NFIB: variants seen among roughly 807,000 people sequenced by gnomAD.
NFIB encodes the protein nuclear factor I B.
In NFIB, 11 loss-of-function variants were observed where a neutral mutation model predicts 61.5. The ratio of observed to expected loss-of-function variants is 0.18; its 90% CI spans 0.11 to 0.30. The LOEUF is 0.30. Among genes scored for constraint, NFIB ranks in the 10% least tolerant of loss-of-function variants. The pLI, the probability that NFIB is intolerant of heterozygous loss-of-function variation, is 1.00. For missense variants in NFIB, 471 were observed against 608.9 expected (o/e 0.77, Z 2.38); for synonymous variants, 260 against 216.5 (o/e 1.20, Z -1.76).
At chr9:14,306,921 G>A in intron 2 of NFIB, 68 bp downstream of exon 2, 2 of 1,571,978 alleles carry the variant, frequency 1.3e-6, no homozygotes, top group Non-Finnish European at 1.7e-6. Flanking sequence ...ACTCAAGCCA[G>A]ATACTCTGTC....
intron 1 of NFIB, among the ~76,000 whole-genome samples, chr9:14,333,568 AC>A (rs2060847411): frequency 6.6e-6 from 1 of 152,152 alleles, no homozygotes; most frequent in African/African-American, 2.4e-5. Flanking sequence ...CCTGGTCAAA[AC>A]TTAGTCACTG....
At chr9:14,148,726 G>T (rs2042554933) in intron 5 of NFIB, among the ~76,000 whole-genome samples, 1 of 152,126 alleles carries the variant, frequency 6.6e-6, no homozygotes, top group Non-Finnish European at 1.5e-5. Context: ...CTTGAATCAT[G>T]TATATGCCTG....
At chr9:14,504,456 A>G in the NFIB span, among the ~76,000 whole-genome samples, 128 of 152,322 alleles carry the variant, frequency 8.4e-4, no homozygotes, top group South Asian at 0.013. Flanking sequence ...CTACCCATTC[A>G]TGAGCATGGG....
intron 2 of NFIB, among the ~76,000 whole-genome samples, chr9:14,258,163 G>C (rs2056408061): frequency 6.6e-6 from 1 of 152,142 alleles, no homozygotes; most frequent in South Asian, 2.1e-4. Flanking sequence ...TCATCACTGA[G>C]AACATTCATT....
At chr9:14,093,685 C>A (rs765215486) in intron 10 of NFIB, among the ~76,000 whole-genome samples, 1 of 151,994 alleles carries the variant, frequency 6.6e-6, no homozygotes, top group Admixed American at 6.6e-5. Flanking sequence ...ATTAGCATTT[C>A]TTGTAAAATG....
intron 2 of NFIB, among the ~76,000 whole-genome samples, chr9:14,238,389 G>A (rs1587845315): frequency 6.6e-6 from 1 of 152,132 alleles, no homozygotes; most frequent in South Asian, 2.1e-4. Flanking sequence ...GTCTTGTGAA[G>A]AGTTTAATAC....
the NFIB span, among the ~76,000 whole-genome samples, chr9:14,438,494 TC>T: frequency 6.6e-6 from 1 of 152,300 alleles, no homozygotes; most frequent in South Asian, 2.1e-4. Context: ...GGAGTGATTT[TC>T]CCCCTTGCTT....
intron 1 of NFIB, among the ~76,000 whole-genome samples, chr9:14,328,542 T>C (rs1196764605): frequency 6.6e-6 from 1 of 151,902 alleles, no homozygotes; most frequent in Non-Finnish European, 1.5e-5. Flanking sequence ...AAATGAACAA[T>C]TAACAAGATA....
chr9:14,526,434 A>T, the NFIB span, among the ~76,000 whole-genome samples: 1 of 152,192 alleles, frequency 6.6e-6, no homozygotes, highest in Non-Finnish European at 1.5e-5. Flanking sequence ...ATGCAATAAA[A>T]TTTAGAATTC....
At chr9:14,176,905 C>G (rs1245390831) in intron 3 of NFIB, among the ~76,000 whole-genome samples, 1 of 152,068 alleles carries the variant, frequency 6.6e-6, no homozygotes, top group African/African-American at 2.4e-5. Flanking sequence ...TTTCAAAGAG[C>G]CTATATCTCC....
In NFIB at chr9:14,144,755, G is replaced by C. The variant is rs553020814; in HGVS notation, c.925+1934C>G. ...GAGAAAACTAGGAAGACAGAATTTA[G>C]ACTGAAATTTCTCAGTTTAAGCTGG... On this transcript the variant is annotated intron_variant, in intron 6 of 10. Coordinates refer to ENST00000380953, the MANE Select transcript of NFIB (RefSeq NM_001190737.2). 9.8e-5 allele frequency among the ~76,000 whole-genome samples: 15 copies of C among 152,292 alleles called. No homozygotes were observed. In the Middle Eastern group the frequency reaches 0.01, roughly 104 times the overall value.
At chr9:14,155,959 T>C in intron 3 of NFIB, 66 bp from the exon 4 acceptor site, 1 of 993,814 alleles carries the variant, frequency 1.0e-6, no homozygotes, top group Non-Finnish European at 1.5e-6. Context: ...GATTATACAC[T>C]AGAATTTAAG....
At chr9:14,154,583 A>G (rs983071381) in intron 4 of NFIB, among the ~76,000 whole-genome samples, 2 of 152,266 alleles carry the variant, frequency 1.3e-5, no homozygotes, top group Non-Finnish European at 2.9e-5. Context: ...CATCGAATAC[A>G]CACCCTGGGG....
the NFIB span, among the ~76,000 whole-genome samples, chr9:14,521,343 A>G: frequency 3.3e-5 from 5 of 152,202 alleles, no homozygotes; most frequent in African/African-American, 1.2e-4. Flanking sequence ...ACGGCTTGTA[A>G]TGTTCTGTTC....
the NFIB span, among the ~76,000 whole-genome samples, chr9:14,452,392 G>T: frequency 8.4e-6 from 1 of 119,244 alleles, no homozygotes; most frequent in Admixed American, 9.9e-5. Context: ...GATGGAAGTA[G>T]GGAAAGACAG....
chr9:14,439,986 G>GT, the NFIB span, among the ~76,000 whole-genome samples: 1 of 152,196 alleles, frequency 6.6e-6, no homozygotes, highest in Non-Finnish European at 1.5e-5. Context: ...AGGAGAGGGG[G>GT]TGGCTGAGCC....
intron 2 of NFIB, among the ~76,000 whole-genome samples, chr9:14,227,498 T>C (rs188858778): frequency 7.7e-4 from 117 of 152,344 alleles, no homozygotes; most frequent in African/African-American, 2.7e-3. Flanking sequence ...TATCATACTA[T>C]GGAGAAAGGC....
Position 14,087,536 on chromosome 9 carries a change from G to A in NFIB, c.*773C>T. The A allele has an allele frequency of 4.4e-6, 1 of 226,722 alleles. No individual in the cohort carries two copies. The highest frequency in any genetic ancestry group is 8.8e-6 in the Non-Finnish European group (1 of 113,836). 14.0% of individuals were successfully genotyped at this position (226,722 alleles called of 1,614,324 possible). A position where few individuals can be genotyped will look rare whatever the true frequency, so the allele number is the denominator to read the frequency against. ...CCTACATAGAGGCATTTCTTCCATA[G>A]AGCCTTTGTGTTCAAACTGTTTTTT... On this transcript the variant is annotated 3_prime_UTR_variant, in exon 11 of 11. Transcript: ENST00000380953.
chr9:14,361,273 A>G (rs1481126008), intron 1 of NFIB: 2 of 152,096 alleles, frequency 1.3e-5, no homozygotes, highest in African/African-American at 2.4e-5. Flanking sequence ...TTAAAAAAAA[A>G]AAAAAAAAGA....
Sources: allele counts gnomAD v4.1 joint callset (sites outside exome capture counted in the v4.1 genomes callset), GRCh38; gene constraint gnomAD v4.1.1; transcripts MANE v1.5; gene names NCBI Gene and HGNC (gene_info 2026-07-23, HGNC 2026-07-21).